The following TRIO variants were observed in gnomAD, a reference collection of about 807,000 sequenced individuals.
TRIO encodes the protein triple functional domain protein.
Under a neutral mutation model 351.9 loss-of-function variants are expected in TRIO, and 58 were observed. The observed-to-expected ratio is 0.16, with a 90% CI of 0.13 to 0.21. The LOEUF (loss-of-function observed/expected upper bound fraction) is 0.21, where lower values mean the gene tolerates loss of function less well. Ranked by LOEUF, TRIO falls within the 10% of genes least tolerant of loss-of-function variation. The pLI, the probability that TRIO is intolerant of heterozygous loss-of-function variation, is 1.00. For synonymous variants in TRIO, 1,758 were observed against 1,595.7 expected, an observed-to-expected ratio of 1.10 and a Z score of -2.42; for missense variants, 3,201 against 4,027.8, an observed-to-expected ratio of 0.79 and a Z score of 5.56.
At chr5:14,475,789 G>T (rs1048181035) in intron 40 of TRIO, among the ~76,000 whole-genome samples, 1 of 152,218 alleles carries the variant, frequency 6.6e-6, no homozygotes, top group Non-Finnish European at 1.5e-5. Flanking sequence ...CAGTGTTTCT[G>T]GGATGACCAG....
intron 28 of TRIO, among the ~76,000 whole-genome samples, chr5:14,396,024 C>T (rs1020586744): frequency 1.6e-5 from 2 of 124,948 alleles, no homozygotes; most frequent in Non-Finnish European, 3.1e-5. Context: ...CCAGCCTGGG[C>T]GACAGAGCAA....
chr5:14,156,896 C>T (rs141899174), intron 1 of TRIO, among the ~76,000 whole-genome samples: 55 of 152,128 alleles, frequency 3.6e-4, no homozygotes, highest in Non-Finnish European at 7.1e-4. Context: ...CTGGTGATGT[C>T]GGAGCACAAA....
At chr5:14,262,426 A>G (rs164861) in intron 1 of TRIO, among the ~76,000 whole-genome samples, 118,459 of 151,976 alleles carry the variant, frequency 0.78, 46,464 homozygotes, top group East Asian at 0.98. Context: ...GATGGTAATG[A>G]TGAACCAATG....
intron 37 of TRIO, among the ~76,000 whole-genome samples, chr5:14,466,697 C>T (rs1439783088): frequency 2.0e-5 from 3 of 152,190 alleles, no homozygotes; most frequent in Admixed American, 6.5e-5. Context: ...CAGAGGTAAC[C>T]ACTGCGAATA....
At chr5:14,305,955 A>G (rs1007736991) in intron 8 of TRIO, among the ~76,000 whole-genome samples, 3 of 152,236 alleles carry the variant, frequency 2.0e-5, no homozygotes, top group Non-Finnish European at 4.4e-5. Flanking sequence ...AACATGCTGT[A>G]CAGGTTTGTA....
At chr5:14,363,668 G>T (rs1744349287) in intron 13 of TRIO, 64 bp from the exon 14 acceptor site, 1 of 1,490,888 alleles carries the variant, frequency 6.7e-7, no homozygotes, top group Non-Finnish European at 9.2e-7. Flanking sequence ...TCCTTACTTG[G>T]TACAGAGTGA....
chr5:14,409,645 T>C (rs181555), intron 33 of TRIO, among the ~76,000 whole-genome samples: 6,916 of 151,934 alleles, frequency 0.046, 213 homozygotes, highest in Middle Eastern at 0.095. Flanking sequence ...CCATCCTGGC[T>C]AACATGGTGA....
chr5:14,308,957 A>G (rs932030458), intron 8 of TRIO, among the ~76,000 whole-genome samples: 2 of 151,364 alleles, frequency 1.3e-5, no homozygotes, highest in Non-Finnish European at 2.9e-5. Flanking sequence ...CCACCTATCC[A>G]TACACCCAGT....
At chr5:14,368,396 A>G (rs1465218291) in intron 16 of TRIO, among the ~76,000 whole-genome samples, 6 of 152,138 alleles carry the variant, frequency 3.9e-5, no homozygotes, top group African/African-American at 7.2e-5. Context: ...GAACATTTCA[A>G]CCACTTCTTT....
chr5:14,289,810 C>CT (rs1736754582), intron 4 of TRIO, among the ~76,000 whole-genome samples: 1 of 152,014 alleles, frequency 6.6e-6, no homozygotes. Flanking sequence ...GACTGCGCCA[C>CT]TGCACTCCAG....
chr5:14,368,812 G>C lies in TRIO; in HGVS notation c.2979G>C (p.Ala993=), dbSNP rs570447608. 6.2e-7 allele frequency: 1 copy of C among 1,614,082 alleles called. No individual in the cohort carries two copies. Among genetic ancestry groups the C allele is most frequent in the East Asian group, 2.2e-5 (1 of 44,840 alleles). The stretch of plus-strand genomic sequence containing the variant: ...TCCGGGACTGCGCCGAGAAGGTGGC[G>C]TCTCACTGGCAACAGCTCATGCTCA... ...DMIRDCAEKV[A]SHWQQLMLKM... The change falls in exon 17 of 57, where the codon GCG becomes GCC. Residue 993 remains alanine (A), a synonymous_variant. Coordinates refer to ENST00000344204, the MANE Select transcript of TRIO (RefSeq NM_007118.4).
chr5:14,370,738 A>G (rs1745035357), intron 18 of TRIO, among the ~76,000 whole-genome samples: 1 of 152,190 alleles, frequency 6.6e-6, no homozygotes, highest in Admixed American at 6.5e-5. Flanking sequence ...AACTACGTCA[A>G]CAGCTTTTTA....
In TRIO at chr5:14,385,971, T is replaced by A. The variant is rs566507065; in HGVS notation, c.3571-1467T>A. Among the ~76,000 whole-genome samples the A allele has an allele frequency of 5.3e-5, 8 of 152,312 alleles. No individual in the cohort carries two copies. In the East Asian group the frequency reaches 1.5e-3, roughly 29 times the overall value. ...TCCACAGATGGCCCTTGTGGCAATG[T>A]AAGAGATGTTAGTGAAACAAGCAAA... On this transcript the variant is annotated intron_variant, in intron 21 of 56. Coordinates refer to ENST00000344204, the MANE Select transcript of TRIO (RefSeq NM_007118.4).
intron 1 of TRIO, among the ~76,000 whole-genome samples, chr5:14,248,917 T>G (rs373142825): frequency 6.6e-5 from 10 of 152,234 alleles, no homozygotes; most frequent in African/African-American, 2.4e-4. Flanking sequence ...CCTGGCTGAC[T>G]TCCTGACGGT....
intron 34 of TRIO, among the ~76,000 whole-genome samples, chr5:14,444,744 A>G (rs775952535): frequency 6.6e-5 from 10 of 152,244 alleles, no homozygotes; most frequent in Non-Finnish European, 1.0e-4. Flanking sequence ...AGTGTTACAC[A>G]TTGAATTTGT....
rs1754670749 is a variant in TRIO at position 14,471,360 on chromosome 5, G to C, written c.5806G>C (p.Asp1936His). 6.2e-7 allele frequency: 1 copy of C among 1,614,032 alleles called. No homozygotes were observed. Among genetic ancestry groups the C allele is most frequent in the African/African-American group, 1.3e-5 (1 of 74,944 alleles). The part of the protein sequence containing the change: ...RPSSLLVDQG[D>H]SSSPSFNPSD... The stretch of plus-strand genomic sequence containing the variant: ...CAGCTCACTCCTTGTTGACCAGGGA[G>C]ATAGTAGCAGCCCTTCCTTCAACCC... The change falls in exon 38 of 57, where the codon GAT (aspartate) becomes CAT (histidine). Residue 1936 changes from aspartate (D) to histidine (H), a missense_variant. This residue lies in a region of TRIO where 307 missense variants were observed against 396.5 expected (regional missense o/e 0.77). Coordinates refer to ENST00000344204, the MANE Select transcript of TRIO (RefSeq NM_007118.4).
At chr5:14,258,641 T>C (rs186160769) in intron 1 of TRIO, among the ~76,000 whole-genome samples, 313 of 152,224 alleles carry the variant, frequency 2.1e-3, no homozygotes, top group African/African-American at 7.2e-3. Flanking sequence ...GATATGAAAC[T>C]GCGGAAGAGC....
chr5:14,489,811 GCTTT>G (rs917051493), intron 48 of TRIO, among the ~76,000 whole-genome samples: 1 of 152,194 alleles, frequency 6.6e-6, no homozygotes, highest in Non-Finnish European at 1.5e-5. Flanking sequence ...GTTCCCGCGA[GCTTT>G]AGGTTGGGAA....
At chr5:14,271,351 G>T (rs1384267934) in intron 2 of TRIO, among the ~76,000 whole-genome samples, 1 of 152,106 alleles carries the variant, frequency 6.6e-6, no homozygotes, top group Non-Finnish European at 1.5e-5. Context: ...CTGCTCCTTT[G>T]TGGCTCTCTG....
Sources: gnomAD v4.1 joint callset for allele counts (sites outside exome capture counted in the v4.1 genomes callset) on GRCh38, gnomAD v4.1.1 for gene constraint, gnomAD v4.1.1 regional missense constraint, MANE v1.5 for transcripts, NCBI Gene and HGNC (gene_info 2026-07-23, HGNC 2026-07-21) for gene names.